The following SGK3 variants were observed in gnomAD, a reference collection of about 807,000 sequenced individuals.
SGK3 encodes serum/glucocorticoid regulated kinase family member 3.
A neutral mutation model predicts 68.5 loss-of-function variants in SGK3; 47 were observed. The observed-to-expected ratio is 0.69, with a 90% confidence interval of 0.54 to 0.87. SGK3 has a LOEUF of 0.87. SGK3 is among the 40% of genes least tolerant of loss of function. The probability of loss-of-function intolerance (pLI) is 0.00; values close to 1 mark genes in which losing one functional copy is unlikely to be tolerated. For missense variants in SGK3, 479 were observed against 575.5 expected (o/e 0.83, Z 1.72); for synonymous variants, 181 against 189.1 (o/e 0.96, Z 0.35).
chr8:66,736,909 G>A (rs530103436), intron 1 of SGK3, among the ~76,000 whole-genome samples: 6 of 152,038 alleles, frequency 3.9e-5, no homozygotes, highest in Non-Finnish European at 7.4e-5. Context: ...ATGAGCCACC[G>A]TGCCCGGCCC....
chr8:66,783,630 G>A (rs1362799469), intron 1 of SGK3, among the ~76,000 whole-genome samples: 4 of 152,120 alleles, frequency 2.6e-5, no homozygotes, highest in East Asian at 3.9e-4. Context: ...CTATTCTCCC[G>A]CCTCAGCCTC....
intron 1 of SGK3, among the ~76,000 whole-genome samples, chr8:66,779,561 AATATATATATATATATATATATATATAT>A (rs200618083): frequency 6.7e-5 from 6 of 89,386 alleles, no homozygotes; most frequent in African/African-American, 1.4e-4. Flanking sequence ...TATGTGTGTG[AATATATATATATATATATATATATATAT>A]ATATATATAT....
intron 1 of SGK3, among the ~76,000 whole-genome samples, chr8:66,730,844 ATT>A (rs113173320): frequency 4.9e-5 from 7 of 144,074 alleles, no homozygotes; most frequent in East Asian, 2.0e-4. Flanking sequence ...AGCCTGGCTA[ATT>A]TTTTTTTTTT....
chr8:66,813,793 G>A, intron 4 of SGK3, 60 bp from the exon 5 acceptor site: 1 of 1,412,566 alleles, frequency 7.1e-7, no homozygotes, highest in Non-Finnish European at 9.4e-7. Flanking sequence ...TTATATAACT[G>A]TTGATGATAA....
At chr8:66,839,541 A>G (rs1402539408) in intron 10 of SGK3, among the ~76,000 whole-genome samples, 4 of 71,520 alleles carry the variant, frequency 5.6e-5, no homozygotes, top group African/African-American at 1.1e-4. Flanking sequence ...ATATATATAT[A>G]TATATATATA....
chr8:66,801,873 G>T (rs917868956), intron 3 of SGK3, among the ~76,000 whole-genome samples: 1 of 152,200 alleles, frequency 6.6e-6, no homozygotes, highest in Non-Finnish European at 1.5e-5. Flanking sequence ...ATGTTTTCAT[G>T]ATTTTAATAG....
rs1215579582 is a variant in SGK3 at position 66,843,583 on chromosome 8, A to T, written c.1074+36A>T. 6 of 1,581,586 alleles carry T rather than the reference A, an allele frequency of 3.8e-6. No individual in the cohort carries two copies. In the South Asian group the frequency reaches 5.6e-5, roughly 15 times the overall value. On this transcript the variant is annotated intron_variant, in intron 14 of 16. Transcript: ENST00000521198. ...CTATACCTCATTATTCCAATGTATTATCATTGATTTGATTGTCTGTCTGTC... is the reference window on the plus strand; with the variant it reads ...CTATACCTCATTATTCCAATGTATTTTCATTGATTTGATTGTCTGTCTGTC...
chr8:66,819,984 A>C (rs1219381450), intron 5 of SGK3, among the ~76,000 whole-genome samples: 1 of 151,920 alleles, frequency 6.6e-6, no homozygotes, highest in East Asian at 1.9e-4. Flanking sequence ...CATCCGGCTA[A>C]CTTTTGTATT....
chr8:66,791,786 T>A (rs1428095617), intron 1 of SGK3, among the ~76,000 whole-genome samples: 5 of 152,266 alleles, frequency 3.3e-5, no homozygotes, highest in African/African-American at 1.2e-4. Context: ...ATGTGGCTTC[T>A]GAGGTTCCAG....
At chr8:66,807,172 T>C (rs941162177) in intron 4 of SGK3, among the ~76,000 whole-genome samples, 5 of 152,200 alleles carry the variant, frequency 3.3e-5, no homozygotes, top group Non-Finnish European at 7.3e-5. Flanking sequence ...TCTTGATGAT[T>C]GCTTAGGTAA....
intron 1 of SGK3, among the ~76,000 whole-genome samples, chr8:66,742,337 G>C (rs761320837): frequency 3.3e-5 from 5 of 152,022 alleles, no homozygotes; most frequent in Non-Finnish European, 5.9e-5. Flanking sequence ...TTCATTTCTA[G>C]TCACATGTTA....
chr8:66,816,639 C>T (rs1033993456), intron 5 of SGK3, among the ~76,000 whole-genome samples: 7 of 152,064 alleles, frequency 4.6e-5, no homozygotes, highest in Middle Eastern at 3.4e-3. Flanking sequence ...CCATCGCACC[C>T]GGCCAACATT....
chr8:66,788,590 AGT>A (rs1807304387), intron 1 of SGK3, among the ~76,000 whole-genome samples: 1 of 152,238 alleles, frequency 6.6e-6, no homozygotes. Context: ...AATGGGCTTC[AGT>A]AAAAACTGGC....
Position 66,861,943 on chromosome 8 carries a change from T to A in SGK3, c.*2362T>A, listed in dbSNP as rs945200868. ...AATATTGTATATTTTTAAGAACAAA[T>A]TTAAAATAGAATTTTGATGTTTCTC... On this transcript the variant is annotated 3_prime_UTR_variant, in exon 17 of 17. Transcript: ENST00000521198. 3.3e-5 allele frequency: 5 copies of A among 152,170 alleles called. No homozygotes were observed. The highest frequency in any genetic ancestry group is 5.9e-5 in the Non-Finnish European group (4 of 68,036). 9.4% of individuals were successfully genotyped at this position (152,170 alleles called of 1,614,324 possible). A position where few individuals can be genotyped will look rare whatever the true frequency, so the allele number is the denominator to read the frequency against.
chr8:66,722,846 C>T (rs1227690655), intron 1 of SGK3, among the ~76,000 whole-genome samples: 1 of 151,806 alleles, frequency 6.6e-6, no homozygotes, highest in Non-Finnish European at 1.5e-5. Context: ...ATAGGGACAT[C>T]ACGTGGCGAA....
At chr8:66,762,549 A>G (rs2130465325) in intron 1 of SGK3, among the ~76,000 whole-genome samples, 1 of 152,110 alleles carries the variant, frequency 6.6e-6, no homozygotes, top group African/African-American at 2.4e-5. Flanking sequence ...ATATAACATC[A>G]TCACACTTAA....
intron 6 of SGK3, among the ~76,000 whole-genome samples, chr8:66,825,380 G>A (rs1030239427): frequency 2.0e-5 from 3 of 147,744 alleles, no homozygotes; most frequent in African/African-American, 5.0e-5. Context: ...CCAGGCTGGA[G>A]TGCAGTGGCA....
At chr8:66,793,184 C>G (rs879319305) in intron 1 of SGK3, among the ~76,000 whole-genome samples, 2 of 152,052 alleles carry the variant, frequency 1.3e-5, no homozygotes, top group African/African-American at 4.8e-5. Context: ...CCGGGATGTA[C>G]GAATTATTTC....
intron 1 of SGK3, among the ~76,000 whole-genome samples, chr8:66,776,110 G>C (rs1243145337): frequency 6.6e-6 from 1 of 152,178 alleles, no homozygotes; most frequent in African/African-American, 2.4e-5. Flanking sequence ...TTTCCTCAGA[G>C]CTGTTGCTAG....
Sources: gnomAD v4.1 joint callset for allele counts (sites outside exome capture counted in the v4.1 genomes callset) on GRCh38, gnomAD v4.1.1 for gene constraint, MANE v1.5 for transcripts, NCBI Gene and HGNC (gene_info 2026-07-23, HGNC 2026-07-21) for gene names.